Variants in PRKN observed in about 807,000 individuals in gnomAD.
PRKN encodes the protein parkin RBR E3 ubiquitin protein ligase, also known as E3 ubiquitin-protein ligase parkin.
In PRKN, 56 loss-of-function variants were observed where a neutral mutation model predicts 59.5. That is an observed-to-expected ratio of 0.94 (90% CI 0.76 to 1.18). The LOEUF is 1.18. PRKN is among the 50% of genes most tolerant of loss of function. The pLI, the probability that PRKN is intolerant of heterozygous loss-of-function variation, is 0.00. For missense variants in PRKN, 657 were observed against 596.4 expected (o/e 1.10, Z -1.06); for synonymous variants, 250 against 222.1 (o/e 1.13, Z -1.12).
chr6:161,627,457 C>CTAT (rs1783131051), intron 7 of PRKN, among the ~76,000 whole-genome samples: 1 of 152,158 alleles, frequency 6.6e-6, no homozygotes, highest in African/African-American at 2.4e-5. Flanking sequence ...GGATTAAAAA[C>CTAT]AGTGTTTACT....
intron 9 of PRKN, among the ~76,000 whole-genome samples, chr6:161,537,566 C>T (rs941729026): frequency 2.0e-5 from 3 of 151,926 alleles, no homozygotes; most frequent in African/African-American, 7.3e-5. Context: ...ATTCTCCTGC[C>T]TCAGCCTCCG....
At chr6:161,486,648 C>G (rs1248350899) in intron 9 of PRKN, among the ~76,000 whole-genome samples, 3 of 152,076 alleles carry the variant, frequency 2.0e-5, no homozygotes, top group Admixed American at 6.5e-5. Flanking sequence ...TTTATCAGAG[C>G]AAAAAGCAAA....
At chr6:161,747,924 A>G (rs985014963) in intron 7 of PRKN, among the ~76,000 whole-genome samples, 2 of 152,204 alleles carry the variant, frequency 1.3e-5, no homozygotes, top group Non-Finnish European at 2.9e-5. Flanking sequence ...ATCTTTAACT[A>G]CTATAAGGAG....
chr6:161,841,231 G>T (rs6919629), intron 6 of PRKN, among the ~76,000 whole-genome samples: 1 of 152,162 alleles, frequency 6.6e-6, no homozygotes, highest in African/African-American at 2.4e-5. Context: ...ACAGCAAGAG[G>T]GTGAGGAGGT....
At chr6:161,721,006 C>CTAG (rs1222951500) in intron 7 of PRKN, among the ~76,000 whole-genome samples, 2 of 152,242 alleles carry the variant, frequency 1.3e-5, no homozygotes, top group East Asian at 3.9e-4. Flanking sequence ...AGAGGAATAT[C>CTAG]ATGGAAAAAC....
In PRKN at chr6:161,560,741, T is replaced by A. The variant is rs1289009962; in HGVS notation, c.933+8614A>T. Among the ~76,000 whole-genome samples the A allele has an allele frequency of 6.6e-6, 1 of 152,170 alleles. No individual in the cohort carries two copies. The highest frequency in any genetic ancestry group is 1.9e-4 in the East Asian group (1 of 5,196). Reference sequence around the variant, plus strand: ...GATGATCACCTCTTATCTTTCCAAATCTCTTGCTAAAGTATGAACATTGCT... The same window carrying A: ...GATGATCACCTCTTATCTTTCCAAAACTCTTGCTAAAGTATGAACATTGCT... On this transcript the variant is annotated intron_variant, in intron 8 of 11. Transcript: ENST00000366898. This position sits in a 1 kb window ranked among gnomAD's most constrained non-coding sequence, Gnocchi z 4.9.
intron 4 of PRKN, among the ~76,000 whole-genome samples, chr6:162,093,046 G>C (rs964242473): frequency 5.9e-5 from 9 of 152,154 alleles, no homozygotes; most frequent in Non-Finnish European, 7.3e-5. Flanking sequence ...AGGTTTTCAG[G>C]CTTGCGTTCT....
At chr6:161,921,798 G>A (rs1778795887) in intron 6 of PRKN, among the ~76,000 whole-genome samples, 2 of 152,216 alleles carry the variant, frequency 1.3e-5, no homozygotes, top group Admixed American at 6.5e-5. Flanking sequence ...TCACTGTGTT[G>A]AAATTTGGTA....
chr6:162,677,858 A>C (rs1430722906), intron 1 of PRKN, among the ~76,000 whole-genome samples: 1 of 152,184 alleles, frequency 6.6e-6, no homozygotes, highest in Non-Finnish European at 1.5e-5. Flanking sequence ...GTACAATTTG[A>C]CATATTTGGA....
At chr6:161,816,193 A>T (rs992051307) in intron 6 of PRKN, among the ~76,000 whole-genome samples, 1 of 152,158 alleles carries the variant, frequency 6.6e-6, no homozygotes, top group African/African-American at 2.4e-5. Flanking sequence ...GAGCTGGGAC[A>T]TATGCAGCAG....
intron 1 of PRKN, among the ~76,000 whole-genome samples, chr6:162,444,268 A>G (rs1790201039): frequency 6.6e-6 from 1 of 151,850 alleles, no homozygotes; most frequent in Non-Finnish European, 1.5e-5. Context: ...ATAGCCCCCA[A>G]CTGGAGTCTT....
At chr6:162,612,707 G>C (rs1273584854) in intron 1 of PRKN, among the ~76,000 whole-genome samples, 2 of 151,930 alleles carry the variant, frequency 1.3e-5, no homozygotes, top group Non-Finnish European at 2.9e-5. Flanking sequence ...ATGATGAAAG[G>C]ACAAGGCATA....
intron 2 of PRKN, among the ~76,000 whole-genome samples, chr6:162,398,401 T>TG (rs34663623): frequency 2.7e-5 from 4 of 148,212 alleles, no homozygotes; most frequent in Non-Finnish European, 4.5e-5. Context: ...TTTTGTTTTT[T>TG]TTTTTTGAGA....
rs533544477 is a variant in PRKN at position 161,533,581 on chromosome 6, G to A, written c.1083+15273C>T. 1.1e-4 allele frequency among the ~76,000 whole-genome samples: 16 copies of A among 152,232 alleles called. No individual in the cohort carries two copies. Among genetic ancestry groups the A allele is most frequent in the African/African-American group, 3.4e-4 (14 of 41,534 alleles). ...TTGCATAATAAGATTAGGGTGGGGC[G>A]ACCAGCCTTCTTCGCGTGCTAAGTA... On this transcript the variant is annotated intron_variant, in intron 9 of 11. Transcript: ENST00000366898. The surrounding 1 kb of genome is among the most constrained non-coding windows in gnomAD (Gnocchi z 4.1).
Position 161,953,748 on chromosome 6 carries a change from C to G in PRKN, c.734+19554G>C, listed in dbSNP as rs1418091616. ...GCATTCTACACACACATGTACATTC[C>G]GAACACATCAGCAGGAAGACTGGGC... is the stretch of plus-strand genomic sequence containing the variant. On this transcript the variant is annotated intron_variant, in intron 6 of 11. Transcript: ENST00000366898. Among the ~76,000 whole-genome samples the G allele has an allele frequency of 3.3e-5, 5 of 152,244 alleles. No homozygotes were observed. The South Asian group carries it at 1.0e-3, about 32-fold the overall frequency.
intron 6 of PRKN, among the ~76,000 whole-genome samples, chr6:161,846,539 T>C (rs2128221611): frequency 6.6e-6 from 1 of 152,302 alleles, no homozygotes; most frequent in Non-Finnish European, 1.5e-5. Context: ...GCAGGCTCCC[T>C]GTCCCCAGTG....
Position 161,901,227 on chromosome 6 carries a change from C to T in PRKN, c.734+72075G>A, listed in dbSNP as rs555503105. 6.6e-5 allele frequency among the ~76,000 whole-genome samples: 10 copies of T among 152,048 alleles called. No homozygotes were observed. In the East Asian group the frequency reaches 7.7e-4, roughly 12 times the overall value. ...CTGGGATTACAGGTGTGAGCCACCG[C>T]GTCCAGCCAATAATCAATAAATTTA... On this transcript the variant is annotated intron_variant, in intron 6 of 11. Transcript: ENST00000366898.
At chr6:161,421,116 A>C (rs1389972726) in intron 9 of PRKN, among the ~76,000 whole-genome samples, 3 of 152,184 alleles carry the variant, frequency 2.0e-5, no homozygotes, top group Non-Finnish European at 2.9e-5. Context: ...TGATGTAAGA[A>C]AATCATGTGA....
intron 3 of PRKN, among the ~76,000 whole-genome samples, chr6:162,205,817 G>C (rs1240936356): frequency 1.3e-5 from 2 of 152,034 alleles, no homozygotes; most frequent in Non-Finnish European, 2.9e-5. Flanking sequence ...TTGAAACTTA[G>C]TGAGGAATTA....
Sources: gnomAD v4.1 joint callset for allele counts (sites outside exome capture counted in the v4.1 genomes callset) on GRCh38, gnomAD v4.1.1 for gene constraint, Gnocchi (gnomAD v3.1) non-coding constraint, MANE v1.5 for transcripts, NCBI Gene and HGNC (gene_info 2026-07-23, HGNC 2026-07-21) for gene names.